The following CDC42BPA variants were observed in gnomAD, a reference collection of about 807,000 sequenced individuals.
The protein encoded by CDC42BPA is serine/threonine-protein kinase MRCK alpha.
CDC42BPA carries 80 observed loss-of-function variants against 223.5 expected under a neutral mutation model. The observed-to-expected ratio is 0.36, with a 90% CI of 0.30 to 0.43. The LOEUF is 0.43. CDC42BPA is among the 20% of genes least tolerant of loss of function. CDC42BPA has a pLI of 1.00. For missense variants in CDC42BPA, 1,743 were observed against 2,099.9 expected (o/e 0.83, Z 3.32); for synonymous variants, 694 against 718.6 (o/e 0.97, Z 0.55).
Position 226,994,423 on chromosome 1 carries a change from T to C in CDC42BPA, c.5134-24A>G. On this transcript the variant is annotated intron_variant, in intron 36 of 36. Coordinates refer to ENST00000366766, the MANE Select transcript of CDC42BPA (RefSeq NM_001394014.1). The surrounding 1 kb of genome is among the most constrained non-coding windows in gnomAD (Gnocchi z 4.0). ...TCCTGTAAGGCCCAAAGTAAAACAT[T>C]AATGAGAAGGAGGGGGAGAAAGGGA... 6.8e-7 allele frequency: 1 copy of C among 1,479,136 alleles called. No individual in the cohort carries two copies. The highest frequency in any genetic ancestry group is 2.5e-5 in the East Asian group (1 of 39,518). 91.6% of individuals were successfully genotyped at this position (1,479,136 alleles called of 1,614,324 possible). A position where few individuals can be genotyped will look rare whatever the true frequency, so the allele number is the denominator to read the frequency against.
rs897047119 is a variant in CDC42BPA at position 227,178,147 on chromosome 1, G to A, written c.599+15639C>T. 3.9e-5 allele frequency among the ~76,000 whole-genome samples: 6 copies of A among 152,250 alleles called. No homozygotes were observed. In the East Asian group the frequency reaches 7.7e-4, roughly 20 times the overall value. On this transcript the variant is annotated intron_variant, in intron 5 of 36. Coordinates refer to ENST00000366766, the MANE Select transcript of CDC42BPA (RefSeq NM_001394014.1). ...CATACGTGGATCATCTTGAGTTGCT[G>A]GTTTAGCTCTGTGTCCCCACCAAAA... is the stretch of plus-strand genomic sequence containing the variant.
At chr1:227,212,280 T>C (rs1008639498) in intron 3 of CDC42BPA, among the ~76,000 whole-genome samples, 1 of 152,180 alleles carries the variant, frequency 6.6e-6, no homozygotes, top group African/African-American at 2.4e-5. Context: ...TTTTTGCTTT[T>C]CCCTGTATGT....
intron 32 of CDC42BPA, among the ~76,000 whole-genome samples, chr1:227,018,565 TAG>T (rs1666751505): frequency 6.6e-6 from 1 of 152,154 alleles, no homozygotes; most frequent in Non-Finnish European, 1.5e-5. Context: ...TATAGACACA[TAG>T]TGGGTATGAA....
intron 23 of CDC42BPA, among the ~76,000 whole-genome samples, chr1:227,043,149 T>C (rs1296851689): frequency 1.3e-5 from 2 of 152,104 alleles, no homozygotes; most frequent in Non-Finnish European, 2.9e-5. Flanking sequence ...CACGGTACCT[T>C]ATGCCCGTAA....
chr1:227,051,041 G>A (rs967830024), intron 22 of CDC42BPA, among the ~76,000 whole-genome samples: 2 of 152,118 alleles, frequency 1.3e-5, no homozygotes, highest in Admixed American at 1.3e-4. Flanking sequence ...AAACACAAGA[G>A]GGTCTCATTA....
At chr1:227,281,764 C>A (rs1688050052) in intron 1 of CDC42BPA, among the ~76,000 whole-genome samples, 1 of 152,170 alleles carries the variant, frequency 6.6e-6, no homozygotes, top group Non-Finnish European at 1.5e-5. Context: ...GGAGTGAGAT[C>A]AGCACTGCCC....
At chr1:227,106,087 CTTG>C (rs1301666386) in intron 14 of CDC42BPA, among the ~76,000 whole-genome samples, 2 of 152,136 alleles carry the variant, frequency 1.3e-5, no homozygotes, top group African/African-American at 4.8e-5. Context: ...TCTCTACCTT[CTTG>C]TTAAGACCTA....
chr1:227,193,636 C>A, intron 5 of CDC42BPA, 150 bp downstream of exon 5: 1 of 609,216 alleles, frequency 1.6e-6, no homozygotes, highest in East Asian at 3.0e-5. Flanking sequence ...AACAACAAAG[C>A]AAAACAACCA....
chr1:227,276,259 G>A (rs937284643), intron 1 of CDC42BPA, among the ~76,000 whole-genome samples: 5 of 149,348 alleles, frequency 3.3e-5, no homozygotes, highest in African/African-American at 7.5e-5. Context: ...CCGCGACCCC[G>A]TCTGGGATCT....
chr1:227,069,015 A>C (rs866411080), intron 21 of CDC42BPA: 4 of 155,932 alleles, frequency 2.6e-5, no homozygotes, highest in African/African-American at 9.6e-5. Flanking sequence ...TTGAAGTAAC[A>C]ACTAAAAGTA....
intron 8 of CDC42BPA, 40 bp downstream of exon 8, chr1:227,145,449 G>C (rs1660549374): frequency 6.4e-7 from 1 of 1,570,996 alleles, no homozygotes. Flanking sequence ...ATAGTAGAAA[G>C]AAACAGAGGG....
At chr1:227,168,449 A>G (rs919320598) in intron 5 of CDC42BPA, among the ~76,000 whole-genome samples, 2 of 144,790 alleles carry the variant, frequency 1.4e-5, no homozygotes, top group African/African-American at 5.2e-5. Flanking sequence ...CAATAGTTTC[A>G]CTATAATGAA....
At chr1:227,029,948 A>G (rs1427604156) in intron 29 of CDC42BPA, among the ~76,000 whole-genome samples, 1 of 152,252 alleles carries the variant, frequency 6.6e-6, no homozygotes, top group East Asian at 1.9e-4. Context: ...CAACCTGGCC[A>G]ACATGGAGAA....
chr1:227,282,144 C>T lies in CDC42BPA; in HGVS notation c.179-27989G>A, dbSNP rs113957030. Among the ~76,000 whole-genome samples, 938 of 146,178 alleles carry T rather than the reference C, an allele frequency of 6.4e-3. 14 individuals carry two copies. Among genetic ancestry groups the T allele is most frequent in the African/African-American group, 0.023 (889 of 39,384 alleles). On this transcript the variant is annotated intron_variant, in intron 1 of 36. Transcript: ENST00000366766. ...CAGAGGTTGTGGTGAGTCGAGATTG[C>T]GCCATTGCACTCCAGCCTGGGCAAC...
intron 4 of CDC42BPA, among the ~76,000 whole-genome samples, chr1:227,198,585 A>T (rs1433796023): frequency 6.6e-6 from 1 of 152,160 alleles, no homozygotes; most frequent in African/African-American, 2.4e-5. Context: ...GATATAAAAG[A>T]CTAGTAATGA....
At chr1:227,127,759 A>G (rs1480146590) in intron 11 of CDC42BPA, among the ~76,000 whole-genome samples, 1 of 152,224 alleles carries the variant, frequency 6.6e-6, no homozygotes, top group Non-Finnish European at 1.5e-5. Context: ...AAAACACAAA[A>G]TAGCATTCAT....
chr1:227,256,974 CACACACACACACACA>C (rs1338759424), intron 1 of CDC42BPA, among the ~76,000 whole-genome samples: 1 of 151,678 alleles, frequency 6.6e-6, no homozygotes, highest in African/African-American at 2.4e-5. Context: ...CACACACACA[CACACACACACACACA>C]CCAGTATGTT....
chr1:227,252,012 C>T (rs1256418285), intron 2 of CDC42BPA, among the ~76,000 whole-genome samples: 1 of 151,782 alleles, frequency 6.6e-6, no homozygotes, highest in Non-Finnish European at 1.5e-5. Flanking sequence ...ATATATATGA[C>T]ATACCAAAAT....
In CDC42BPA at chr1:226,997,756, C is replaced by T. The variant is rs532170595; in HGVS notation, c.4976-2776G>A. 1.2e-4 allele frequency among the ~76,000 whole-genome samples: 18 copies of T among 152,234 alleles called. 1 individual carries two copies. In the East Asian group the frequency reaches 2.3e-3, roughly 20 times the overall value. ...GTTGTTCAGTTTCCAAGTAGTTGTG[C>T]GGTTTTGAGTGAGTTTCTTAATCCT... On this transcript the variant is annotated intron_variant, in intron 35 of 36. Coordinates refer to ENST00000366766, the MANE Select transcript of CDC42BPA (RefSeq NM_001394014.1).
Sources: gnomAD v4.1 joint callset for allele counts (sites outside exome capture counted in the v4.1 genomes callset) on GRCh38, gnomAD v4.1.1 for gene constraint, Gnocchi (gnomAD v3.1) non-coding constraint, MANE v1.5 for transcripts, NCBI Gene and HGNC (gene_info 2026-07-23, HGNC 2026-07-21) for gene names.